The following SLC9A7 variants were observed in gnomAD, a reference collection of about 807,000 sequenced individuals.
SLC9A7 encodes sodium/hydrogen exchanger 7.
A neutral mutation model predicts 52.6 loss-of-function variants in SLC9A7; 19 were observed. That is an observed-to-expected ratio of 0.36 (90% CI 0.25 to 0.53). The LOEUF is 0.53. SLC9A7 is among the 20% of genes least tolerant of loss of function. The pLI is 0.91. For missense variants in SLC9A7, 455 were observed against 597.9 expected (o/e 0.76, Z 2.49); for synonymous variants, 226 against 252.1 (o/e 0.90, Z 0.98).
At chrX:46,700,758 G>A (rs1445992505) in intron 1 of SLC9A7, among the ~76,000 whole-genome samples, 3 of 112,028 alleles carry the variant, frequency 2.7e-5, no homozygotes, top group Middle Eastern at 9.2e-3. Flanking sequence ...TTGGGAAACT[G>A]CACATAGCTT....
chrX:46,693,470 A>T (rs2146897846), intron 1 of SLC9A7, among the ~76,000 whole-genome samples: 1 of 111,552 alleles, frequency 9.0e-6, no homozygotes, highest in African/African-American at 3.2e-5. Flanking sequence ...TGACAATGCA[A>T]TTCAATTGAG....
At chrX:46,684,938 G>C (rs1230932129) in intron 1 of SLC9A7, 1 of 113,539 alleles carries the variant, frequency 8.8e-6, no homozygotes, top group Non-Finnish European at 1.8e-5. Flanking sequence ...GAGATTCGTG[G>C]TCTGTAACCC....
chrX:46,648,218 A>C (rs1943524239), intron 11 of SLC9A7, among the ~76,000 whole-genome samples: 1 of 111,945 alleles, frequency 8.9e-6, no homozygotes. Flanking sequence ...TGCTCCACAG[A>C]AAGTTAGAGC....
At chrX:46,661,898 C>A in intron 7 of SLC9A7, 118 bp downstream of exon 7, 1 of 630,735 alleles carries the variant, frequency 1.6e-6, no homozygotes, top group South Asian at 3.6e-5. Context: ...GCCATCATGC[C>A]CCAGTGGAAC....
intron 13 of SLC9A7, among the ~76,000 whole-genome samples, chrX:46,632,263 A>G (rs751520464): frequency 8.9e-6 from 1 of 112,250 alleles, no homozygotes; most frequent in African/African-American, 3.2e-5. Flanking sequence ...GCATATTGAC[A>G]AAGAGTCTCT....
intron 8 of SLC9A7, among the ~76,000 whole-genome samples, chrX:46,652,789 C>T (rs1309152878): frequency 9.0e-6 from 1 of 111,139 alleles, no homozygotes; most frequent in Non-Finnish European, 1.9e-5. Context: ...GAAGTAAAAC[C>T]ACATGTTTCA....
intron 16 of SLC9A7, among the ~76,000 whole-genome samples, chrX:46,608,153 G>A (rs73200257): frequency 0.22 from 25,065 of 111,871 alleles, 2,494 homozygotes; most frequent in Middle Eastern, 0.37. Flanking sequence ...CAGATTCCCC[G>A]AGATCAGCCC....
intron 7 of SLC9A7, among the ~76,000 whole-genome samples, chrX:46,660,905 T>C (rs1367012664): frequency 9.2e-6 from 1 of 108,949 alleles, no homozygotes; most frequent in Non-Finnish European, 1.9e-5. Flanking sequence ...CATGCTGCTA[T>C]AAAGACACAT....
At chrX:46,675,060 A>AGTGT (rs1332474489) in intron 3 of SLC9A7, among the ~76,000 whole-genome samples, 12 of 39,863 alleles carry the variant, frequency 3.0e-4, no homozygotes, top group Non-Finnish European at 5.1e-4. Flanking sequence ...AGAGAGAGTG[A>AGTGT]ATGTGTGTGT....
chrX:46,626,460 A>G (rs1191781607), intron 14 of SLC9A7, among the ~76,000 whole-genome samples: 1 of 112,032 alleles, frequency 8.9e-6, no homozygotes, highest in African/African-American at 3.2e-5. Context: ...TTTTTAGTAG[A>G]GATGGGGTTT....
intron 3 of SLC9A7, 39 bp from the exon 4 acceptor site, chrX:46,672,666 G>T: frequency 9.8e-7 from 1 of 1,015,460 alleles, no homozygotes; most frequent in Non-Finnish European, 1.4e-6. Flanking sequence ...GAATCACATT[G>T]TGATTTTCAA....
At chrX:46,643,518 AG>A (rs1175079656) in intron 11 of SLC9A7, 129 bp from the exon 12 acceptor site, 2 of 625,786 alleles carry the variant, frequency 3.2e-6, no homozygotes, top group Non-Finnish European at 4.9e-6. Flanking sequence ...TGTTTTACTC[AG>A]AAAGAAGAAC....
chrX:46,711,452 G>A (rs752547865), intron 1 of SLC9A7, among the ~76,000 whole-genome samples: 2 of 111,658 alleles, frequency 1.8e-5, no homozygotes, highest in African/African-American at 3.3e-5. Flanking sequence ...GTGGCTTAGT[G>A]TAAAGAGAGG....
chrX:46,611,549 G>A (rs1048049726), intron 16 of SLC9A7, among the ~76,000 whole-genome samples: 4 of 112,735 alleles, frequency 3.5e-5, no homozygotes, highest in African/African-American at 1.3e-4. Context: ...TCCAAGCAAC[G>A]GCTGTGGCAG....
intron 13 of SLC9A7, among the ~76,000 whole-genome samples, chrX:46,633,775 G>A (rs1943272704): frequency 9.2e-6 from 1 of 109,124 alleles, no homozygotes; most frequent in Admixed American, 9.8e-5. Flanking sequence ...GGGTTCAAGT[G>A]ATTCCCCTGA....
chrX:46,735,973 T>C (rs1945115153), intron 1 of SLC9A7, among the ~76,000 whole-genome samples: 1 of 111,783 alleles, frequency 8.9e-6, no homozygotes, highest in Non-Finnish European at 1.9e-5. Flanking sequence ...TATCTGTTTA[T>C]TGTTTTGGTA....
At chrX:46,719,019 T>A (rs1944816728) in intron 1 of SLC9A7, among the ~76,000 whole-genome samples, 1 of 111,653 alleles carries the variant, frequency 9.0e-6, no homozygotes, top group Non-Finnish European at 1.9e-5. Flanking sequence ...GTGGCACTAT[T>A]CACAATAGCA....
At chrX:46,750,093 G>GA (rs1452788075) in intron 1 of SLC9A7, among the ~76,000 whole-genome samples, 4 of 106,336 alleles carry the variant, frequency 3.8e-5, no homozygotes, top group African/African-American at 1.4e-4. Context: ...AAAGAAAAAA[G>GA]AAAAAAAAAG....
chrX:46,645,012 A>AGTATAATAC (rs1943466419), intron 11 of SLC9A7, among the ~76,000 whole-genome samples: 2 of 112,323 alleles, frequency 1.8e-5, no homozygotes, highest in African/African-American at 6.5e-5. Context: ...AGAGAGACCA[A>AGTATAATAC]GTATAATACA....
Sources: allele counts gnomAD v4.1 joint callset (sites outside exome capture counted in the v4.1 genomes callset), GRCh38; gene constraint gnomAD v4.1.1; transcripts MANE v1.5; gene names NCBI Gene and HGNC (gene_info 2026-07-23, HGNC 2026-07-21).